CEP120: variants seen among roughly 807,000 people sequenced by gnomAD.
CEP120 encodes centrosomal protein of 120 kDa.
CEP120 carries 113 observed loss-of-function variants against 126.5 expected under a neutral mutation model. The observed-to-expected ratio is 0.89, with a 90% CI of 0.77 to 1.04. The LOEUF is 1.04. Ranked by LOEUF, CEP120 falls within the 50% of genes least tolerant of loss-of-function variation. The probability of loss-of-function intolerance (pLI) is 0.00; values close to 1 mark genes in which losing one functional copy is unlikely to be tolerated. For synonymous variants in CEP120, 400 were observed against 394.3 expected (o/e 1.01, Z -0.17); for missense variants, 1,230 against 1,155.7 (o/e 1.06, Z -0.93).
chr5:123,349,582 GC>G (rs1269878913), intron 19 of CEP120, among the ~76,000 whole-genome samples: 1 of 152,078 alleles, frequency 6.6e-6, no homozygotes, highest in Non-Finnish European at 1.5e-5. Flanking sequence ...GAATGGACTT[GC>G]CATAGCTGTA....
At chr5:123,411,002 C>G (rs1352795414) in intron 4 of CEP120, among the ~76,000 whole-genome samples, 20 of 152,074 alleles carry the variant, frequency 1.3e-4, no homozygotes, top group Admixed American at 1.2e-3. Flanking sequence ...ATGAACAACC[C>G]AATTTAAAAA....
chr5:123,368,697 A>T (rs1770641824), intron 17 of CEP120, among the ~76,000 whole-genome samples: 1 of 151,914 alleles, frequency 6.6e-6, no homozygotes, highest in African/African-American at 2.4e-5. Flanking sequence ...CTGACTTCCA[A>T]GGGTCCAGGA....
chr5:123,349,045 G>C (rs1769023412), intron 19 of CEP120, among the ~76,000 whole-genome samples: 1 of 152,018 alleles, frequency 6.6e-6, no homozygotes, highest in African/African-American at 2.4e-5. Flanking sequence ...GATAAACTAA[G>C]CTAAGAAGTC....
rs761683300 is a variant in CEP120, at chr5:123,377,396, T to C, written c.2336A>G (p.Asp779Gly). 1 of 1,609,852 alleles carries C rather than the reference T, an allele frequency of 6.2e-7. No individual in the cohort carries two copies. The highest frequency in any genetic ancestry group is 1.7e-5 in the Admixed American group (1 of 58,770). The part of the protein sequence containing the change: ...ERLKIKQLEE[D>G]KHRLQQQLND... ...AACCTGTTGCTGAAGGCGGTGTTTA[T>C]CCTCTTCGAGCTGTTTGATTTTTAA... is the stretch of plus-strand genomic sequence containing the variant. Residue 779 changes from aspartate (D) to glycine (G), a missense_variant, in exon 16 of 20, where the codon GAT (aspartate) becomes GGT (glycine). Transcript: ENST00000306467.
chr5:123,422,584 A>C, intron 1 of CEP120: 1 of 1,519,722 alleles, frequency 6.6e-7, no homozygotes, highest in Admixed American at 2.0e-5. Flanking sequence ...GCCTGTATTC[A>C]AGTCAAAGCT....
rs775080726 is a variant in CEP120 at position 123,385,068 on chromosome 5, G to A, written c.1646C>T (p.Ala549Val). The A allele has an allele frequency of 9.9e-6, 16 of 1,613,388 alleles. No individual in the cohort carries two copies. The highest frequency in any genetic ancestry group is 3.3e-5 in the South Asian group (3 of 91,060). ...CAAGATGTTAGAAAGCTGGATTCTC[G>A]CAATTCCCAGAAGTAAATCTTTACT... ...KMSKDLLLGI[A>V]RIQLSNILSS... Residue 549 changes from alanine to valine, a missense_variant, in exon 11 of 20, where the codon GCG becomes GTG. Coordinates refer to ENST00000306467, the MANE Select transcript of CEP120 (RefSeq NM_001375405.1).
In CEP120 at chr5:123,388,483, A is replaced by C; in HGVS notation, c.1379T>G (p.Leu460Ter). 6.2e-7 allele frequency: 1 copy of C among 1,607,570 alleles called. No individual in the cohort carries two copies. The highest frequency in any genetic ancestry group is 8.5e-7 in the Non-Finnish European group (1 of 1,177,682). The change falls in exon 9 of 20, where the codon TTA (leucine) becomes TGA (stop). Residue 460 changes from leucine (L) to a stop codon, truncating the protein, a stop_gained. Coordinates refer to ENST00000306467, the MANE Select transcript of CEP120 (RefSeq NM_001375405.1). LOFTEE classifies it high-confidence loss of function. ...AATCTCCAAGGCATGTATACTCCTTAAGTCTATTGAAAAGCAAAAATGATG... is the reference window on the plus strand; with the variant it reads ...AATCTCCAAGGCATGTATACTCCTTCAGTCTATTGAAAAGCAAAAATGATG... Reference protein sequence around the residue: ...TSHHFCFSIDLRSIHALEIGF... With the variant: ...TSHHFCFSID
intron 1 of CEP120, 141 bp downstream of exon 1, chr5:123,422,809 T>C (rs1039852082): frequency 3.6e-6 from 3 of 824,896 alleles, no homozygotes; most frequent in Admixed American, 2.0e-5. Flanking sequence ...CAGACCTCAC[T>C]ACGTACAACT....
Position 123,349,990 on chromosome 5 carries a change from TTACTGTATC to T in CEP120, c.2671_2679del (p.Asp891_Val893del). On this transcript the variant is annotated inframe_deletion, in exon 19 of 20. Coordinates refer to ENST00000306467, the MANE Select transcript of CEP120 (RefSeq NM_001375405.1). The stretch of plus-strand genomic sequence containing the variant: ...TCCAACAATTCTTGTCGCTCGGTTT[TTACTGTATC>T]TTTTTCCTCAGCGGCAAGGTAACGT... 6.2e-7 allele frequency: 1 copy of T among 1,613,898 alleles called. No homozygotes were observed. The highest frequency in any genetic ancestry group is 8.5e-7 in the Non-Finnish European group (1 of 1,179,920).
At chr5:123,347,592 A>G (rs934769339) in intron 19 of CEP120, among the ~76,000 whole-genome samples, 2 of 152,182 alleles carry the variant, frequency 1.3e-5, no homozygotes, top group Non-Finnish European at 2.9e-5. Context: ...GGTATTTCCA[A>G]TAGAATACTG....
At chr5:123,379,213 C>T (rs146876067) in intron 14 of CEP120, among the ~76,000 whole-genome samples, 21 of 152,088 alleles carry the variant, frequency 1.4e-4, no homozygotes, top group African/African-American at 4.8e-4. Context: ...GACGTCTTAG[C>T]GCTTGAGGTC....
chr5:123,378,562 G>A (rs112950013), intron 14 of CEP120, 134 bp from the exon 15 acceptor site: 29 of 485,974 alleles, frequency 6.0e-5, no homozygotes, highest in Non-Finnish European at 7.8e-5. Flanking sequence ...AATTACATCC[G>A]CCAATTCAAA....
chr5:123,405,147 G>C (rs987679408), intron 4 of CEP120, among the ~76,000 whole-genome samples: 1 of 152,176 alleles, frequency 6.6e-6, no homozygotes, highest in Admixed American at 6.5e-5. Flanking sequence ...CCAAAACTAA[G>C]GAAACAGACA....
chr5:123,370,698 C>T (rs375267719), intron 17 of CEP120, among the ~76,000 whole-genome samples: 1 of 113,526 alleles, frequency 8.8e-6, no homozygotes, highest in African/African-American at 3.1e-5. Flanking sequence ...TATATATATA[C>T]ACATATATAC....
chr5:123,389,208 T>A (rs973381858), intron 8 of CEP120, among the ~76,000 whole-genome samples: 4 of 152,190 alleles, frequency 2.6e-5, no homozygotes, highest in African/African-American at 9.7e-5. Flanking sequence ...TTTTATTAAA[T>A]CAGATAAATA....
intron 17 of CEP120, among the ~76,000 whole-genome samples, chr5:123,365,898 G>C (rs1288820530): frequency 6.6e-6 from 1 of 151,386 alleles, no homozygotes; most frequent in East Asian, 1.9e-4. Context: ...GGTTAGGCCA[G>C]AGATGAACCT....
rs776592660 is a variant in CEP120, at chr5:123,346,581, T to C, written c.2899A>G (p.Ile967Val). 12 of 1,613,842 alleles carry C rather than the reference T, an allele frequency of 7.4e-6. No homozygotes were observed. In the South Asian group the frequency reaches 7.7e-5, roughly 10 times the overall value. ...RTGVYNHEDR[I>V]ISELDRQIRE... ...ATCTGTCGGTCGAGTTCACTTATTA[T>C]TCGATCCTCGTGATTATACACACCC... The change falls in exon 20 of 20, where the codon ATA (isoleucine) becomes GTA (valine). Residue 967 changes from isoleucine (I) to valine (V), a missense_variant. Ile to Val is a conservative substitution (Grantham distance 29). Transcript: ENST00000306467.
At chr5:123,422,550 G>C (rs922955574) in intron 1 of CEP120, 1 of 1,535,332 alleles carries the variant, frequency 6.5e-7, no homozygotes. Context: ...AATTGCCTCC[G>C]GAACACTTCT....
chr5:123,400,892 T>TAGGCTGGGAGGGGC (rs1773168682), intron 4 of CEP120: 1 of 1,326,670 alleles, frequency 7.5e-7, no homozygotes. Flanking sequence ...GCAGGAGGGG[T>TAGGCTGGGAGGGGC]AGGCTGGGAG....
Sources: gnomAD v4.1 joint callset for allele counts (sites outside exome capture counted in the v4.1 genomes callset) on GRCh38, gnomAD v4.1.1 for gene constraint, MANE v1.5 for transcripts, NCBI Gene and HGNC (gene_info 2026-07-23, HGNC 2026-07-21) for gene names.